GRM8: variants seen among roughly 807,000 people sequenced by gnomAD.
The protein encoded by GRM8 is metabotropic glutamate receptor 8.
In GRM8, 47 loss-of-function variants were observed where a neutral mutation model predicts 87.2. The ratio of observed to expected loss-of-function variants is 0.54; its 90% CI spans 0.43 to 0.69. GRM8 has a LOEUF of 0.69. GRM8 is among the 30% of genes least tolerant of loss of function. The pLI is 0.00. For synonymous variants in GRM8, 396 were observed against 404.5 expected, an observed-to-expected ratio of 0.98 and a Z score of 0.25; for missense variants, 1,019 against 1,139.2, an observed-to-expected ratio of 0.89 and a Z score of 1.52.
chr7:126,741,604 C>T lies in GRM8; in HGVS notation c.1357+28261G>A, dbSNP rs80245372. On this transcript the variant is annotated intron_variant, in intron 7 of 10. Transcript: ENST00000339582. ...AGAAGACCGGTCTAACACGAGCTGA[C>T]AGCATGATGTCATGACAAGAACAAA... 6.6e-5 allele frequency among the ~76,000 whole-genome samples: 10 copies of T among 152,194 alleles called. No homozygotes were observed. The East Asian group carries it at 1.9e-3, about 29-fold the overall frequency.
chr7:126,768,467 T>C (rs1318719180), intron 7 of GRM8, among the ~76,000 whole-genome samples: 2 of 151,656 alleles, frequency 1.3e-5, no homozygotes, highest in South Asian at 2.1e-4. Flanking sequence ...CAGTCTTTAA[T>C]AGTATCATTA....
At position 127,073,805 on chromosome 7, in the gene GRM8, G is replaced by C. The variant is rs11563736; in HGVS notation, c.727+32691C>G. ...TCTAGATTGCAACCAGCTTTTTTCA[G>C]ACATTTTTATATATATAATAAGACT... On this transcript the variant is annotated intron_variant, in intron 3 of 10. Coordinates refer to ENST00000339582, the MANE Select transcript of GRM8 (RefSeq NM_000845.3). Among the ~76,000 whole-genome samples, 483 of 152,170 alleles carry C rather than the reference G, an allele frequency of 3.2e-3. 8 individuals are homozygous for C. Among genetic ancestry groups the C allele is most frequent in the Admixed American group, 0.026 (401 of 15,278 alleles).
intron 9 of GRM8, among the ~76,000 whole-genome samples, chr7:126,489,255 A>G (rs1054332011): frequency 6.6e-6 from 1 of 152,068 alleles, no homozygotes; most frequent in Non-Finnish European, 1.5e-5. Flanking sequence ...CAATGTAGTA[A>G]TCAAATGCAA....
chr7:127,108,611 C>G (rs979912931), intron 2 of GRM8, among the ~76,000 whole-genome samples: 9 of 152,266 alleles, frequency 5.9e-5, no homozygotes, highest in Admixed American at 3.9e-4. Context: ...ATGAGCCACC[C>G]TTTCTAAAAA....
chr7:126,615,324 T>G (rs1799352946), intron 7 of GRM8, among the ~76,000 whole-genome samples: 1 of 152,058 alleles, frequency 6.6e-6, no homozygotes, highest in Admixed American at 6.6e-5. Flanking sequence ...AAGCAAATGC[T>G]GAGAGATTTT....
chr7:126,615,870 T>C (rs1423371165), intron 7 of GRM8, among the ~76,000 whole-genome samples: 2 of 152,140 alleles, frequency 1.3e-5, no homozygotes. Flanking sequence ...CCCAGATTCA[T>C]AAAGCAAGTA....
At chr7:126,515,554 C>T (rs1253265749) in intron 9 of GRM8, among the ~76,000 whole-genome samples, 4 of 152,062 alleles carry the variant, frequency 2.6e-5, no homozygotes, top group Admixed American at 2.6e-4. Flanking sequence ...AACTTGGCTC[C>T]AAATGGGTCT....
At chr7:126,523,314 C>T (rs931380107) in intron 9 of GRM8, among the ~76,000 whole-genome samples, 1 of 152,070 alleles carries the variant, frequency 6.6e-6, no homozygotes, top group African/African-American at 2.4e-5. Flanking sequence ...CTCCTGATCC[C>T]ATTGTATAGA....
chr7:127,080,390 T>C (rs944899526), intron 3 of GRM8, among the ~76,000 whole-genome samples: 1 of 152,180 alleles, frequency 6.6e-6, no homozygotes, highest in African/African-American at 2.4e-5. Context: ...TGAAAGATAA[T>C]AAATCTATCT....
At chr7:126,493,145 C>T (rs1428410236) in intron 9 of GRM8, among the ~76,000 whole-genome samples, 1 of 151,992 alleles carries the variant, frequency 6.6e-6, no homozygotes, top group East Asian at 1.9e-4. Context: ...ATGGAATCCC[C>T]TTTCCCTTTT....
intron 7 of GRM8, among the ~76,000 whole-genome samples, chr7:126,683,011 T>C (rs896445330): frequency 3.3e-5 from 5 of 152,016 alleles, no homozygotes; most frequent in Non-Finnish European, 7.4e-5. Flanking sequence ...ATCGTGCCAC[T>C]GCACTCCAGC....
intron 2 of GRM8, among the ~76,000 whole-genome samples, chr7:127,182,632 G>GGTGTGTGTGTGT (rs35530710): frequency 2.8e-5 from 4 of 141,826 alleles, no homozygotes; most frequent in South Asian, 2.4e-4. Flanking sequence ...AAGAAAGTGT[G>GGTGTGTGTGTGT]GTGTGTGTGT....
At chr7:127,020,085 G>A (rs1816105592) in intron 3 of GRM8, among the ~76,000 whole-genome samples, 1 of 152,096 alleles carries the variant, frequency 6.6e-6, no homozygotes, top group Non-Finnish European at 1.5e-5. Flanking sequence ...CTGAGGCAAA[G>A]ATTATAAATA....
Position 126,533,105 on chromosome 7 carries a change from C to G in GRM8, c.2277G>C (p.Leu759Phe). 2 of 1,613,362 alleles carry G rather than the reference C, an allele frequency of 1.2e-6. No individual in the cohort carries two copies. The highest frequency in any genetic ancestry group is 1.7e-6 in the Non-Finnish European group (2 of 1,179,872). Residue 759 changes from leucine to phenylalanine, a missense_variant, in exon 9 of 11, where the codon TTG (leucine) becomes TTC (phenylalanine). Coordinates refer to ENST00000339582, the MANE Select transcript of GRM8 (RefSeq NM_000845.3). ...LICSLGYSIL[L>F]MVTCTVYAIK... ...TGGCATAAACAGTACAAGTGACCATCAAGAGGATACTGTATCCAAGTGAAC... is the reference window on the plus strand; with the variant it reads ...TGGCATAAACAGTACAAGTGACCATGAAGAGGATACTGTATCCAAGTGAAC...
chr7:126,474,986 T>C (rs1805730414), intron 9 of GRM8, among the ~76,000 whole-genome samples: 1 of 152,128 alleles, frequency 6.6e-6, no homozygotes, highest in East Asian at 1.9e-4. Context: ...ATCCTCAACA[T>C]AACAAATGCC....
intron 7 of GRM8, among the ~76,000 whole-genome samples, chr7:126,679,512 C>T (rs927929553): frequency 6.6e-6 from 1 of 152,096 alleles, no homozygotes; most frequent in African/African-American, 2.4e-5. Flanking sequence ...TTTATTTACT[C>T]AACAAATATA....
intron 2 of GRM8, among the ~76,000 whole-genome samples, chr7:127,171,281 T>C (rs1313344168): frequency 2.0e-5 from 3 of 152,156 alleles, no homozygotes; most frequent in Non-Finnish European, 4.4e-5. Flanking sequence ...CTATTCCTGG[T>C]GAAAATACTG....
intron 2 of GRM8, among the ~76,000 whole-genome samples, chr7:127,107,518 G>C (rs1309713606): frequency 6.6e-6 from 1 of 152,200 alleles, no homozygotes; most frequent in Non-Finnish European, 1.5e-5. Flanking sequence ...CCATGCTGTG[G>C]TATGAGTGAA....
intron 2 of GRM8, among the ~76,000 whole-genome samples, chr7:127,129,547 A>G (rs137871646): frequency 6.6e-6 from 1 of 152,168 alleles, no homozygotes; most frequent in Non-Finnish European, 1.5e-5. Context: ...TTCATTTTTC[A>G]TCCTCATCTA....
Sources: allele counts gnomAD v4.1 joint callset (sites outside exome capture counted in the v4.1 genomes callset), GRCh38; gene constraint gnomAD v4.1.1; transcripts MANE v1.5; gene names NCBI Gene and HGNC (gene_info 2026-07-23, HGNC 2026-07-21).